Variants in JARID2 observed in about 807,000 individuals in gnomAD.
JARID2 encodes the protein protein Jumonji.
In JARID2, 21 loss-of-function variants were observed where a neutral mutation model predicts 125.6. The ratio of observed to expected loss-of-function variants is 0.17; its 90% CI spans 0.12 to 0.24. JARID2 has a LOEUF of 0.24. Among genes scored for constraint, JARID2 ranks in the 10% least tolerant of loss-of-function variants. The pLI is 1.00. For synonymous variants in JARID2, 736 were observed against 661.6 expected (o/e 1.11, Z -1.73); for missense variants, 1,303 against 1,639.6 (o/e 0.79, Z 3.55).
At chr6:15,324,680 C>A (rs1762477642) in intron 1 of JARID2, among the ~76,000 whole-genome samples, 1 of 148,340 alleles carries the variant, frequency 6.7e-6, no homozygotes, top group African/African-American at 2.5e-5. Context: ...AGTTTTGTAG[C>A]CTTGCTTTAT....
chr6:15,370,873 A>G (rs1043331509), intron 1 of JARID2, among the ~76,000 whole-genome samples: 4 of 152,214 alleles, frequency 2.6e-5, no homozygotes, highest in African/African-American at 9.6e-5. Context: ...AGGCAGCTTA[A>G]TTGGGACTAT....
chr6:15,273,148 A>T (rs2127357545), intron 1 of JARID2, among the ~76,000 whole-genome samples: 1 of 151,990 alleles, frequency 6.6e-6, no homozygotes, highest in African/African-American at 2.4e-5. Context: ...GGTGGGGAGG[A>T]TGCCTTATGC....
chr6:15,403,917 T>C (rs1348594314), intron 2 of JARID2, among the ~76,000 whole-genome samples: 1 of 151,884 alleles, frequency 6.6e-6, no homozygotes, highest in Non-Finnish European at 1.5e-5. Context: ...TGGGTGGGGG[T>C]GTTTTTGGAT....
intron 1 of JARID2, among the ~76,000 whole-genome samples, chr6:15,272,216 C>T (rs961964089): frequency 6.6e-6 from 1 of 152,178 alleles, no homozygotes; most frequent in African/African-American, 2.4e-5. Context: ...ATCTTTTGGC[C>T]CCGTGGCCCT....
chr6:15,437,061 T>C (rs1767237208), intron 3 of JARID2, among the ~76,000 whole-genome samples: 1 of 152,144 alleles, frequency 6.6e-6, no homozygotes, highest in African/African-American at 2.4e-5. Context: ...GTTTTACTGT[T>C]CAGCTTCAGC....
chr6:15,257,738 G>GTC (rs1759719688), intron 1 of JARID2, among the ~76,000 whole-genome samples: 3 of 152,198 alleles, frequency 2.0e-5, no homozygotes, highest in Non-Finnish European at 4.4e-5. Flanking sequence ...TACACGTTAG[G>GTC]CCAGCGGGTT....
chr6:15,388,354 T>A (rs559987198), intron 2 of JARID2, among the ~76,000 whole-genome samples: 7 of 152,078 alleles, frequency 4.6e-5, no homozygotes, highest in Non-Finnish European at 1.0e-4. Flanking sequence ...TCTGGGAAAT[T>A]ACCCTACAGT....
At chr6:15,476,709 C>G (rs1270944646) in intron 5 of JARID2, among the ~76,000 whole-genome samples, 1 of 152,162 alleles carries the variant, frequency 6.6e-6, no homozygotes, top group Non-Finnish European at 1.5e-5. Flanking sequence ...ATCAGAGTTT[C>G]CAAAATACTC....
chr6:15,331,617 G>A (rs1762713021), intron 1 of JARID2, among the ~76,000 whole-genome samples: 1 of 152,040 alleles, frequency 6.6e-6, no homozygotes, highest in South Asian at 2.1e-4. Flanking sequence ...TGTAATCCCA[G>A]CACTTTGGGA....
At chr6:15,437,472 G>A (rs185546861) in intron 3 of JARID2, among the ~76,000 whole-genome samples, 64 of 152,200 alleles carry the variant, frequency 4.2e-4, no homozygotes, top group African/African-American at 1.5e-3. Context: ...AGTTACTAGG[G>A]TTGTCTATCT....
At chr6:15,508,099 C>T (rs1349360464) in intron 11 of JARID2, among the ~76,000 whole-genome samples, 1 of 152,218 alleles carries the variant, frequency 6.6e-6, no homozygotes, top group African/African-American at 2.4e-5. Flanking sequence ...CAGGTTCCTG[C>T]GGCCACCTCC....
At chr6:15,290,806 G>C (rs1190585283) in intron 1 of JARID2, among the ~76,000 whole-genome samples, 1 of 152,300 alleles carries the variant, frequency 6.6e-6, no homozygotes, top group African/African-American at 2.4e-5. Flanking sequence ...ATTTTTAGTA[G>C]AGATGAGGTT....
chr6:15,512,473 C>T (rs768241146), intron 14 of JARID2, 83 bp downstream of exon 14: 8 of 1,233,162 alleles, frequency 6.5e-6, no homozygotes, highest in Admixed American at 1.8e-5. Flanking sequence ...AGCATCCCTG[C>T]GTGTGCGTGT....
At chr6:15,476,467 C>T (rs942465315) in intron 5 of JARID2, among the ~76,000 whole-genome samples, 4 of 152,208 alleles carry the variant, frequency 2.6e-5, no homozygotes, top group Admixed American at 2.0e-4. Flanking sequence ...AGTCCTGATG[C>T]CAGTAGTTTC....
chr6:15,252,933 G>A (rs529835602), intron 1 of JARID2, among the ~76,000 whole-genome samples: 3 of 152,242 alleles, frequency 2.0e-5, no homozygotes, highest in South Asian at 2.1e-4. Flanking sequence ...TGAGAACTCC[G>A]TGGTATCTGT....
chr6:15,304,034 G>A (rs1490081283), intron 1 of JARID2, among the ~76,000 whole-genome samples: 2 of 152,196 alleles, frequency 1.3e-5, no homozygotes, highest in Non-Finnish European at 2.9e-5. Flanking sequence ...TCAGCTGAGA[G>A]ATAATCACAG....
At position 15,439,881 on chromosome 6, in the gene JARID2, A is replaced by G. The variant is rs374497257; in HGVS notation, c.324-12125A>G. ...GCTTGGCTCAAAGCCTTAAAAACCCATAGAGTACTTTTATAATGTCACAGC... is the reference window on the plus strand; with the variant it reads ...GCTTGGCTCAAAGCCTTAAAAACCCGTAGAGTACTTTTATAATGTCACAGC... On this transcript the variant is annotated intron_variant, in intron 3 of 17. Coordinates refer to ENST00000341776, the MANE Select transcript of JARID2 (RefSeq NM_004973.4). Among the ~76,000 whole-genome samples, 3 of 152,326 alleles carry G rather than the reference A, an allele frequency of 2.0e-5. 1 individual carries two copies. The highest frequency in any genetic ancestry group is 1.5e-5 in the Non-Finnish European group (1 of 68,020).
At chr6:15,414,041 A>G (rs905245743) in intron 3 of JARID2, among the ~76,000 whole-genome samples, 2 of 152,194 alleles carry the variant, frequency 1.3e-5, no homozygotes, top group Admixed American at 1.3e-4. Context: ...TGTAGATTTA[A>G]TTACTCCTAC....
intron 1 of JARID2, among the ~76,000 whole-genome samples, chr6:15,373,352 C>T (rs1230486792): frequency 1.3e-5 from 2 of 152,144 alleles, no homozygotes; most frequent in Admixed American, 1.3e-4. Flanking sequence ...CTGGAATAGT[C>T]TCTGGGCTGG....
Sources: allele counts gnomAD v4.1 joint callset (sites outside exome capture counted in the v4.1 genomes callset), GRCh38; gene constraint gnomAD v4.1.1; transcripts MANE v1.5; gene names NCBI Gene and HGNC (gene_info 2026-07-23, HGNC 2026-07-21).